The following FAM184A variants were observed in gnomAD, a reference collection of about 807,000 sequenced individuals.
FAM184A encodes the protein protein FAM184A.
FAM184A carries 99 observed loss-of-function variants against 143.8 expected under a neutral mutation model. The ratio of observed to expected loss-of-function variants is 0.69; its 90% CI spans 0.58 to 0.81. FAM184A has a LOEUF of 0.81. Ranked by LOEUF, FAM184A falls within the 40% of genes least tolerant of loss-of-function variation. The probability of loss-of-function intolerance (pLI) is 0.00; values close to 1 mark genes in which losing one functional copy is unlikely to be tolerated. For missense variants in FAM184A, 1,217 were observed against 1,310.5 expected, an observed-to-expected ratio of 0.93 and a Z score of 1.10; for synonymous variants, 427 against 446.4, an observed-to-expected ratio of 0.96 and a Z score of 0.55.
intron 14 of FAM184A, among the ~76,000 whole-genome samples, chr6:118,973,158 G>A (rs955867629): frequency 3.9e-5 from 6 of 152,108 alleles, no homozygotes; most frequent in African/African-American, 1.4e-4. Flanking sequence ...ATCAGAAAGA[G>A]CACCTCATCT....
chr6:119,023,220 G>C, intron 2 of FAM184A, 140 bp from the exon 3 acceptor site: 2 of 829,140 alleles, frequency 2.4e-6, no homozygotes, highest in Non-Finnish European at 1.8e-6. Flanking sequence ...GTAAGTATTA[G>C]TGATTTATAA....
Position 119,006,495 on chromosome 6 carries a change from C to G in FAM184A, c.1767G>C (p.Leu589Phe). The G allele has an allele frequency of 6.2e-7, 1 of 1,614,004 alleles. No individual in the cohort carries two copies. The highest frequency in any genetic ancestry group is 8.5e-7 in the Non-Finnish European group (1 of 1,179,948). ...SQERLQNELD[L>F]TKDSLKETKD... ...TGGTCTCCTTTAGGCTGTCTTTAGT[C>G]AAGTCAAGCTCATTCTGAAGCCTTT... is the stretch of plus-strand genomic sequence containing the variant. Residue 589 changes from leucine to phenylalanine, a missense_variant, in exon 7 of 18, where the codon TTG becomes TTC. Transcript: ENST00000338891.
chr6:119,108,472 G>A (rs1053776156), intron 1 of FAM184A, among the ~76,000 whole-genome samples: 2 of 152,046 alleles, frequency 1.3e-5, no homozygotes, highest in African/African-American at 4.8e-5. Flanking sequence ...CAGCACTGGT[G>A]GCAATTTTTT....
intron 1 of FAM184A, among the ~76,000 whole-genome samples, chr6:119,138,936 A>G (rs1024209515): frequency 6.6e-6 from 1 of 152,042 alleles, no homozygotes; most frequent in Non-Finnish European, 1.5e-5. Context: ...CCTTTCATTT[A>G]TAATGATTCT....
chr6:119,071,181 T>C (rs1787673097), intron 1 of FAM184A, among the ~76,000 whole-genome samples: 2 of 152,192 alleles, frequency 1.3e-5, no homozygotes, highest in Non-Finnish European at 2.9e-5. Context: ...CATAACACTT[T>C]TTAAGACTGG....
intron 1 of FAM184A, among the ~76,000 whole-genome samples, chr6:119,088,611 T>A (rs190167388): frequency 4.5e-4 from 69 of 152,250 alleles, no homozygotes; most frequent in Non-Finnish European, 1.6e-4. Context: ...TACAAAAACT[T>A]CTTCGGGGTT....
chr6:119,068,486 T>C (rs1787552142), intron 1 of FAM184A, among the ~76,000 whole-genome samples: 1 of 152,232 alleles, frequency 6.6e-6, no homozygotes, highest in South Asian at 2.1e-4. Flanking sequence ...TGAAGTACGC[T>C]TTGTCATTCT....
intron 1 of FAM184A, among the ~76,000 whole-genome samples, chr6:119,060,606 T>C (rs926155171): frequency 6.6e-6 from 1 of 152,212 alleles, no homozygotes; most frequent in East Asian, 1.9e-4. Context: ...TTTAGATCTG[T>C]GGCCCCACCC....
At chr6:118,967,402 T>C (rs1205498909) in intron 14 of FAM184A, among the ~76,000 whole-genome samples, 1 of 152,140 alleles carries the variant, frequency 6.6e-6, no homozygotes, top group Non-Finnish European at 1.5e-5. Flanking sequence ...AAGAAACAAA[T>C]ACAGATGAAA....
chr6:119,064,208 CA>C (rs1416068708), intron 1 of FAM184A, among the ~76,000 whole-genome samples: 14 of 152,180 alleles, frequency 9.2e-5, no homozygotes, highest in African/African-American at 3.1e-4. Context: ...CTTCCTTACA[CA>C]GTAACTAATG....
chr6:118,979,268 A>C, intron 11 of FAM184A, 97 bp downstream of exon 11: 1 of 1,266,954 alleles, frequency 7.9e-7, no homozygotes, highest in Non-Finnish European at 1.1e-6. Context: ...TTGACGTTTC[A>C]AAATTTTAAA....
chr6:119,005,427 CCTT>C (rs1398045237), intron 7 of FAM184A: 1 of 152,032 alleles, frequency 6.6e-6, no homozygotes, highest in African/African-American at 2.4e-5. Flanking sequence ...ACTAAAGTGT[CCTT>C]GTTTATATGC....
intron 14 of FAM184A, among the ~76,000 whole-genome samples, chr6:118,967,766 TA>T (rs926692703): frequency 1.8e-4 from 27 of 152,274 alleles, no homozygotes; most frequent in Admixed American, 5.2e-4. Context: ...AGAACAATTT[TA>T]AAAATCTTGT....
At chr6:119,034,021 T>TAC (rs1786004231) in intron 1 of FAM184A, among the ~76,000 whole-genome samples, 2 of 50,466 alleles carry the variant, frequency 4.0e-5, no homozygotes, top group African/African-American at 1.6e-4. Flanking sequence ...AAAAAAAAAA[T>TAC]ATATATATAT....
intron 14 of FAM184A, 94 bp downstream of exon 14, chr6:118,974,330 CTTTT>C: frequency 8.4e-7 from 1 of 1,187,328 alleles, no homozygotes; most frequent in Non-Finnish European, 1.2e-6. Context: ...TTAAAGTATC[CTTTT>C]TATTAGAGTC....
intron 1 of FAM184A, among the ~76,000 whole-genome samples, chr6:119,114,687 A>G (rs544628708): frequency 6.6e-6 from 1 of 152,076 alleles, no homozygotes; most frequent in Non-Finnish European, 1.5e-5. Context: ...GACTGCAGGT[A>G]TATGCCACCA....
At chr6:118,985,533 C>T (rs4620153) in intron 9 of FAM184A, among the ~76,000 whole-genome samples, 2 of 152,152 alleles carry the variant, frequency 1.3e-5, no homozygotes, top group African/African-American at 4.8e-5. Context: ...AAGGTACTCA[C>T]GATATTCAGA....
At chr6:118,970,511 A>G (rs1312588205) in intron 14 of FAM184A, among the ~76,000 whole-genome samples, 1 of 152,200 alleles carries the variant, frequency 6.6e-6, no homozygotes, top group African/African-American at 2.4e-5. Context: ...TACTGTAGTG[A>G]TATCAAGTTT....
At chr6:119,138,467 C>G (rs1772096992) in intron 1 of FAM184A, among the ~76,000 whole-genome samples, 1 of 152,256 alleles carries the variant, frequency 6.6e-6, no homozygotes, top group Non-Finnish European at 1.5e-5. Context: ...CTTACCTTAC[C>G]AGCTTCTAGA....
Sources: gnomAD v4.1 joint callset for allele counts (sites outside exome capture counted in the v4.1 genomes callset) on GRCh38, gnomAD v4.1.1 for gene constraint, MANE v1.5 for transcripts, NCBI Gene and HGNC (gene_info 2026-07-23, HGNC 2026-07-21) for gene names.